LDLRAD3: variants seen among roughly 807,000 people sequenced by gnomAD.
The protein encoded by LDLRAD3 is low density lipoprotein receptor class A domain containing 3.
In LDLRAD3, 20 loss-of-function variants were observed where a neutral mutation model predicts 29.4. The ratio of observed to expected loss-of-function variants is 0.68; its 90% CI spans 0.48 to 0.99. LDLRAD3 has a LOEUF of 0.99. LDLRAD3 is among the 50% of genes least tolerant of loss of function. The probability of loss-of-function intolerance (pLI) is 0.00; values close to 1 mark genes in which losing one functional copy is unlikely to be tolerated. For missense variants in LDLRAD3, 420 were observed against 454.3 expected (o/e 0.92, Z 0.69); for synonymous variants, 157 against 192.7 (o/e 0.81, Z 1.53).
chr11:36,114,699 G>A (rs562773872), intron 4 of LDLRAD3, among the ~76,000 whole-genome samples: 1 of 152,268 alleles, frequency 6.6e-6, no homozygotes, highest in Admixed American at 6.5e-5. Context: ...CCTCAAACTC[G>A]TTTTGGTTGG....
intron 4 of LDLRAD3, among the ~76,000 whole-genome samples, chr11:36,168,939 C>T (rs755380177): frequency 2.6e-5 from 4 of 152,148 alleles, no homozygotes; most frequent in Non-Finnish European, 4.4e-5. Context: ...GAGCTGAACA[C>T]GTTTAAAAGA....
At chr11:36,131,379 T>C (rs1045044660) in intron 4 of LDLRAD3, among the ~76,000 whole-genome samples, 17 of 152,340 alleles carry the variant, frequency 1.1e-4, no homozygotes, top group Admixed American at 1.0e-3. Flanking sequence ...GGTATTTATA[T>C]AAAGTGAGGT....
intron 4 of LDLRAD3, among the ~76,000 whole-genome samples, chr11:36,222,376 T>C (rs971744588): frequency 6.6e-6 from 1 of 152,136 alleles, no homozygotes; most frequent in Non-Finnish European, 1.5e-5. Flanking sequence ...TGAGTCACCA[T>C]GCCTGGCCAA....
rs76216756 is a variant in LDLRAD3, at chr11:36,149,713, T to C, written c.454+51252T>C. On this transcript the variant is annotated intron_variant, in intron 4 of 5. Transcript: ENST00000315571. Reference sequence around the variant, plus strand: ...CAGTTGGTAATTGGGTAGAAAACCATCTCCTGGGGCTTGGTGACCAGGGTA... The same window carrying C: ...CAGTTGGTAATTGGGTAGAAAACCACCTCCTGGGGCTTGGTGACCAGGGTA... Among the ~76,000 whole-genome samples, 872 of 152,248 alleles carry C rather than the reference T, an allele frequency of 5.7e-3. 9 individuals are homozygous for C. The highest frequency in any genetic ancestry group is 0.02 in the African/African-American group (839 of 41,540).
At chr11:36,040,678 G>A (rs1464973791) in intron 2 of LDLRAD3, among the ~76,000 whole-genome samples, 1 of 152,120 alleles carries the variant, frequency 6.6e-6, no homozygotes, top group Non-Finnish European at 1.5e-5. Context: ...TGAGAAATTT[G>A]CTTAGGCTAA....
intron 4 of LDLRAD3, among the ~76,000 whole-genome samples, chr11:36,129,576 C>G (rs932962378): frequency 6.6e-6 from 1 of 152,188 alleles, no homozygotes; most frequent in African/African-American, 2.4e-5. Context: ...TGTGCCAGGT[C>G]CCTTCCCGGG....
At chr11:36,000,820 C>T (rs970115201) in intron 1 of LDLRAD3, among the ~76,000 whole-genome samples, 1 of 151,914 alleles carries the variant, frequency 6.6e-6, no homozygotes, top group African/African-American at 2.4e-5. Context: ...AGCTTGGGGG[C>T]CAGGAGGCTG....
intron 4 of LDLRAD3, among the ~76,000 whole-genome samples, chr11:36,160,816 C>CG (rs1852449865): frequency 6.6e-6 from 1 of 152,014 alleles, no homozygotes. Context: ...TGGGGAGGGA[C>CG]AGAGTTTCGC....
intron 4 of LDLRAD3, among the ~76,000 whole-genome samples, chr11:36,214,044 T>G (rs570730057): frequency 6.6e-6 from 1 of 152,342 alleles, no homozygotes; most frequent in South Asian, 2.1e-4. Context: ...GTCCCAATTT[T>G]AATCCCGCTG....
intron 4 of LDLRAD3, among the ~76,000 whole-genome samples, chr11:36,162,768 G>A (rs894563993): frequency 6.6e-6 from 1 of 152,168 alleles, no homozygotes; most frequent in Non-Finnish European, 1.5e-5. Context: ...TGCTTGATTT[G>A]CAATGGAAAT....
At chr11:36,076,801 A>T (rs1278163947) in intron 2 of LDLRAD3, among the ~76,000 whole-genome samples, 2 of 152,160 alleles carry the variant, frequency 1.3e-5, no homozygotes, top group Non-Finnish European at 2.9e-5. Context: ...TTGATGACCC[A>T]TACCCTTGGG....
intron 1 of LDLRAD3, chr11:35,967,687 G>A (rs1851359107): frequency 2.1e-6 from 1 of 470,638 alleles, no homozygotes; most frequent in Admixed American, 2.4e-5. Flanking sequence ...AAGGTTTCAT[G>A]TCCGGGTGCA....
At chr11:36,099,944 C>T (rs575378720) in intron 4 of LDLRAD3, among the ~76,000 whole-genome samples, 5 of 152,176 alleles carry the variant, frequency 3.3e-5, no homozygotes, top group Admixed American at 3.3e-4. Flanking sequence ...TTTCTTGGGT[C>T]GACTCTTCAC....
At position 36,150,623 on chromosome 11, in the gene LDLRAD3, C is replaced by T. The variant is rs538293675; in HGVS notation, c.454+52162C>T. On this transcript the variant is annotated intron_variant, in intron 4 of 5. Coordinates refer to ENST00000315571, the MANE Select transcript of LDLRAD3 (RefSeq NM_174902.4). ...AAAAAAAATTAGCCGGGCGTGGTGG[C>T]GGGCGCCTGTAGTCCCAGCTACTTG... Among the ~76,000 whole-genome samples the T allele has an allele frequency of 4.4e-3, 666 of 152,078 alleles. 6 individuals carry two copies. The highest frequency in any genetic ancestry group is 0.016 in the African/African-American group (644 of 41,492).
intron 4 of LDLRAD3, among the ~76,000 whole-genome samples, chr11:36,195,439 T>C (rs765987585): frequency 2.2e-4 from 34 of 152,228 alleles, no homozygotes; most frequent in African/African-American, 7.5e-4. Flanking sequence ...GCTCATCCCC[T>C]GTTATTGGCC....
chr11:36,220,419 T>C (rs530955529), intron 4 of LDLRAD3, among the ~76,000 whole-genome samples: 10 of 152,268 alleles, frequency 6.6e-5, no homozygotes, highest in African/African-American at 2.4e-4. Context: ...CCCAGTACCC[T>C]CCCTCATCTG....
intron 1 of LDLRAD3, among the ~76,000 whole-genome samples, chr11:36,018,660 G>A (rs1275715580): frequency 5.3e-5 from 8 of 152,106 alleles, no homozygotes; most frequent in Non-Finnish European, 7.3e-5. Context: ...ATTGTGCCAG[G>A]TGCTGTCAAA....
At chr11:36,117,503 A>G (rs1853692240) in intron 4 of LDLRAD3, among the ~76,000 whole-genome samples, 1 of 152,168 alleles carries the variant, frequency 6.6e-6, no homozygotes, top group African/African-American at 2.4e-5. Flanking sequence ...CACCACTGTG[A>G]CTCTCTGTAT....
chr11:36,115,134 G>A (rs951405730), intron 4 of LDLRAD3, among the ~76,000 whole-genome samples: 8 of 152,316 alleles, frequency 5.3e-5, no homozygotes, highest in African/African-American at 1.9e-4. Context: ...AAGAGACCCT[G>A]GAGAGGCCAA....
Sources: allele counts gnomAD v4.1 joint callset (sites outside exome capture counted in the v4.1 genomes callset), GRCh38; gene constraint gnomAD v4.1.1; transcripts MANE v1.5; gene names NCBI Gene and HGNC (gene_info 2026-07-23, HGNC 2026-07-21).